ESPN: variants seen among roughly 807,000 people sequenced by gnomAD.
The protein encoded by ESPN is autosomal recessive deafness type 36 protein.
In ESPN, 68 loss-of-function variants were observed where a neutral mutation model predicts 77.7. The ratio of observed to expected loss-of-function variants is 0.87; its 90% confidence interval spans 0.72 to 1.07. ESPN has a LOEUF of 1.07. ESPN is among the 50% of genes least tolerant of loss of function. The pLI is 0.00. For synonymous variants in ESPN, 449 were observed against 567.1 expected (o/e 0.79, Z 2.96); for missense variants, 1,060 against 1,239.0 (o/e 0.86, Z 2.17).
chr1:6,441,417 G>A (rs1044806434), intron 5 of ESPN, among the ~76,000 whole-genome samples: 6 of 152,138 alleles, frequency 3.9e-5, no homozygotes, highest in African/African-American at 1.2e-4. Flanking sequence ...TAAGTGTCCC[G>A]TTCCACATAT....
rs111340517 is a variant in ESPN, at chr1:6,457,066, A to G, written c.2326-118A>G. The stretch of plus-strand genomic sequence containing the variant: ...CCAGGCACCTCCATCCACTTGTCAC[A>G]CAGATGTGCATCAAAAGGATGTCTT... On this transcript the variant is annotated intron_variant, in intron 10 of 12. Transcript: ENST00000645284. The G allele has an allele frequency of 0.014, 13,919 of 1,025,856 alleles. 1,198 individuals are homozygous for G. The African/African-American group carries it at 0.19, about 14-fold the overall frequency. The allele number at this position is 1,025,856 out of a possible 1,614,324, so 63.5% of individuals were successfully genotyped here.
chr1:6,444,151 C>A (rs538003116), intron 5 of ESPN, among the ~76,000 whole-genome samples: 1 of 152,326 alleles, frequency 6.6e-6, no homozygotes, highest in Admixed American at 6.5e-5. Context: ...TCTGCCGATC[C>A]GTGAGGGAGA....
At chr1:6,461,218 G>A (rs45481403), downstream of ESPN, 8,079 of 733,066 alleles carry the variant, frequency 0.011, 341 homozygotes, top group African/African-American at 0.11. The surrounding 1 kb of genome is among the most constrained non-coding windows in gnomAD (Gnocchi z 6.3). Flanking sequence ...CGGCCGAGAA[G>A]TTGAGAAATG....
chr1:6,452,371 AT>A (rs1643964776), intron 10 of ESPN, among the ~76,000 whole-genome samples: 1 of 151,606 alleles, frequency 6.6e-6, no homozygotes, highest in African/African-American at 2.4e-5. Context: ...CGCCCAGCTA[AT>A]TTTTTTGTAT....
At position 6,457,756 on chromosome 1, in the gene ESPN, G is replaced by A. The variant is rs183944722; in HGVS notation, c.2417+384G>A. Reference sequence around the variant, plus strand: ...TTCTAGTAGCCACAGTGAAAATGTAGAAGGATATAGGTGAGCTTCATTTTA... The same window carrying A: ...TTCTAGTAGCCACAGTGAAAATGTAAAAGGATATAGGTGAGCTTCATTTTA... On this transcript the variant is annotated intron_variant, in intron 12 of 12. Coordinates refer to ENST00000645284, the MANE Select transcript of ESPN (RefSeq NM_031475.3). Among the ~76,000 whole-genome samples the A allele has an allele frequency of 2.7e-3, 415 of 152,298 alleles. 2 individuals carry two copies. The highest frequency in any genetic ancestry group is 9.5e-3 in the African/African-American group (393 of 41,554).
intron 2 of ESPN, chr1:6,429,778 G>A (rs1276706072): frequency 6.6e-6 from 1 of 152,592 alleles, no homozygotes; most frequent in Non-Finnish European, 1.5e-5. Context: ...CGCCCTCCAG[G>A]GCTCCGGGGC....
Position 6,424,953 on chromosome 1 carries a change from A to G in ESPN, c.-3A>G. 7.0e-7 allele frequency: 1 copy of G among 1,429,566 alleles called. No individual in the cohort carries two copies. The highest frequency in any genetic ancestry group is 9.1e-7 in the Non-Finnish European group (1 of 1,094,088). 88.6% of individuals were successfully genotyped at this position (1,429,566 alleles called of 1,614,324 possible). A position where few individuals can be genotyped will look rare whatever the true frequency, so the allele number is the denominator to read the frequency against. Reference sequence around the variant, plus strand: ...GCGGAGTCGCGGCGCCGCACGCGGCACCATGGCCCTGGAGCAGGCGCTGCA... The same window carrying G: ...GCGGAGTCGCGGCGCCGCACGCGGCGCCATGGCCCTGGAGCAGGCGCTGCA... On this transcript the variant is annotated 5_prime_UTR_variant, in exon 1 of 13. Coordinates refer to ENST00000645284, the MANE Select transcript of ESPN (RefSeq NM_031475.3).
intron 5 of ESPN, among the ~76,000 whole-genome samples, chr1:6,442,734 G>T (rs879655530): frequency 1.4e-5 from 2 of 144,110 alleles, no homozygotes; most frequent in Non-Finnish European, 3.0e-5. Context: ...TGGGCATGGT[G>T]GTGGGTGCCT....
At chr1:6,439,085 C>G (rs924176105) in intron 2 of ESPN, among the ~76,000 whole-genome samples, 1 of 152,224 alleles carries the variant, frequency 6.6e-6, no homozygotes, top group South Asian at 2.1e-4. Flanking sequence ...GCATTCCAGC[C>G]TGGATGACAG....
rs1642990236 is a variant in ESPN, at chr1:6,425,183, C to T, written c.228C>T (p.Asp76=). ...RARNGATPAH[D]ASATGHLACL... ...GCAACGGCGCCACACCGGCCCACGA[C>T]GCCTCCGCCACCGGCCACCTCGCCT... Residue 76 remains aspartate (D), a synonymous_variant, in exon 1 of 13, where the codon GAC becomes GAT. Transcript: ENST00000645284. 2.6e-6 allele frequency: 4 copies of T among 1,537,734 alleles called. No homozygotes were observed. Among genetic ancestry groups the T allele is most frequent in the Non-Finnish European group, 2.6e-6 (3 of 1,148,816 alleles).
intron 10 of ESPN, chr1:6,455,175 G>A (rs1644028767): frequency 2.6e-6 from 1 of 388,574 alleles, no homozygotes; most frequent in Non-Finnish European, 4.6e-6. Flanking sequence ...CGAGGTACAG[G>A]ATCGCCAGGC....
chr1:6,440,985 G>T lies in ESPN; in HGVS notation c.910G>T (p.Asp304Tyr), dbSNP rs776386029. The change falls in exon 5 of 13, where the codon GAC becomes TAC. Residue 304 changes from aspartate (D) to tyrosine (Y), a missense_variant. By Grantham distance (160) the Asp-to-Tyr change is radical. This residue lies in a region of ESPN where 556 missense variants were observed against 633.6 expected (regional missense o/e 0.88). Coordinates refer to ENST00000645284, the MANE Select transcript of ESPN (RefSeq NM_031475.3). ...NGAELDVRDR[D>Y]GYTAADLSDF... The stretch of plus-strand genomic sequence containing the variant: ...CGCGGAGCTGGACGTCCGCGACCGC[G>T]ACGGGTACACGGCCGCCGACCTGTC... 9 of 1,607,754 alleles carry T rather than the reference G, an allele frequency of 5.6e-6. No individual in the cohort carries two copies. Among genetic ancestry groups the T allele is most frequent in the Middle Eastern group, 1.8e-4 (1 of 5,462 alleles).
rs1200859546 is a variant in ESPN, at chr1:6,428,842, G to T, written c.488+423G>T. On this transcript the variant is annotated intron_variant, in intron 2 of 12. Coordinates refer to ENST00000645284, the MANE Select transcript of ESPN (RefSeq NM_031475.3). The surrounding 1 kb of genome is among the most constrained non-coding windows in gnomAD (Gnocchi z 5.4). ...CGCCTCCTAGGCCCTAGTCAAACAGGCAGAAAGGGAACCCCATCAGTTACC... is the reference window on the plus strand; with the variant it reads ...CGCCTCCTAGGCCCTAGTCAAACAGTCAGAAAGGGAACCCCATCAGTTACC... 6.6e-6 allele frequency among the ~76,000 whole-genome samples: 1 copy of T among 152,128 alleles called. No homozygotes were observed. Among genetic ancestry groups the T allele is most frequent in the Non-Finnish European group, 1.5e-5 (1 of 68,004 alleles).
intron 5 of ESPN, among the ~76,000 whole-genome samples, chr1:6,443,836 A>G (rs1643731830): frequency 6.6e-6 from 1 of 152,192 alleles, no homozygotes; most frequent in Admixed American, 6.5e-5. Context: ...TGCCGGCAGC[A>G]GGGGCAGCAT....
At chr1:6,461,270 G>A (rs1465227029), downstream of ESPN, 44 of 892,148 alleles carry the variant, frequency 4.9e-5, no homozygotes, top group South Asian at 5.7e-4. This position sits in a 1 kb window ranked among gnomAD's most constrained non-coding sequence, Gnocchi z 6.3. Context: ...TCTTCGCCTT[G>A]GCTGGAGCGA....
intron 7 of ESPN, chr1:6,448,121 G>A (rs1643882273): frequency 6.6e-6 from 1 of 152,482 alleles, no homozygotes; most frequent in African/African-American, 2.4e-5. Flanking sequence ...GTGGCAGGTA[G>A]GAGCAGCCCC....
rs996961605 is a variant in ESPN at position 6,437,682 on chromosome 1, G to C, written c.489-2572G>C. 11 of 152,354 alleles carry C rather than the reference G, an allele frequency of 7.2e-5. No individual in the cohort carries two copies. Among genetic ancestry groups the C allele is most frequent in the Non-Finnish European group, 1.3e-4 (9 of 68,090 alleles). 9.4% of individuals were successfully genotyped at this position (152,354 alleles called of 1,614,324 possible). A position where few individuals can be genotyped will look rare whatever the true frequency, so the allele number is the denominator to read the frequency against. On this transcript the variant is annotated intron_variant, in intron 2 of 12. Coordinates refer to ENST00000645284, the MANE Select transcript of ESPN (RefSeq NM_031475.3). The surrounding 1 kb of genome is among the most constrained non-coding windows in gnomAD (Gnocchi z 4.5). ...GCTCCCCGCACCATCGTGAAGTGCC[G>C]GGCTCAGCATCAGCCCCAGCAAATG... is the stretch of plus-strand genomic sequence containing the variant.
intron 10 of ESPN, chr1:6,455,361 C>G: frequency 2.6e-6 from 1 of 384,994 alleles, no homozygotes; most frequent in Non-Finnish European, 4.6e-6. Flanking sequence ...CCTACGCGGA[C>G]TGCTGCCCCG....
chr1:6,441,100 C>T (rs1163118462), intron 5 of ESPN, 35 bp downstream of exon 5: 2 of 1,599,630 alleles, frequency 1.3e-6, no homozygotes, highest in Admixed American at 1.7e-5. Flanking sequence ...CGCATTCTTT[C>T]TTCTCGCCCC....
Sources: gnomAD v4.1 joint callset for allele counts (sites outside exome capture counted in the v4.1 genomes callset) on GRCh38, gnomAD v4.1.1 for gene constraint, gnomAD v4.1.1 regional missense constraint, Gnocchi (gnomAD v3.1) non-coding constraint, MANE v1.5 for transcripts, NCBI Gene and HGNC (gene_info 2026-07-23, HGNC 2026-07-21) for gene names.